Variants in EXTL2 observed in about 807,000 individuals in gnomAD.
EXTL2 encodes the protein exostosin-like 2.
A neutral mutation model predicts 30.7 loss-of-function variants in EXTL2; 23 were observed. The observed-to-expected ratio is 0.75, with a 90% CI of 0.54 to 1.06. EXTL2 has a LOEUF of 1.06. Ranked by LOEUF, EXTL2 falls within the 50% of genes least tolerant of loss-of-function variation. The pLI, the probability that EXTL2 is intolerant of heterozygous loss-of-function variation, is 0.00. For missense variants in EXTL2, 352 were observed against 396.3 expected, an observed-to-expected ratio of 0.89 and a Z score of 0.95; for synonymous variants, 123 against 133.8, an observed-to-expected ratio of 0.92 and a Z score of 0.56.
chr1:100,890,352 T>C (rs1650325129), intron 1 of EXTL2, among the ~76,000 whole-genome samples: 1 of 152,198 alleles, frequency 6.6e-6, no homozygotes, highest in African/African-American at 2.4e-5. Context: ...CTCCTACACC[T>C]CTGGGCCTGT....
In EXTL2 at chr1:100,876,843, T is replaced by C; in HGVS notation, c.455A>G (p.Asp152Gly). ...ETNAVLMVDD[D>G]TLISTPDLVF... is the part of the protein sequence containing the mutation. ...AAGGTCTGGGGTGCTGATGAGTGTG[T>C]CATCATCTACCATCAACACTGCTAA... Residue 152 changes from aspartate (D) to glycine (G), a missense_variant, in exon 4 of 5, where the codon GAC (aspartate) becomes GGC (glycine). Coordinates refer to ENST00000370114, the MANE Select transcript of EXTL2 (RefSeq NM_001033025.3). The C allele has an allele frequency of 1.9e-6, 3 of 1,611,942 alleles. No homozygotes were observed. Among genetic ancestry groups the C allele is most frequent in the Non-Finnish European group, 8.5e-7 (1 of 1,178,446 alleles).
At chr1:100,876,972 C>A in intron 3 of EXTL2, 108 bp from the exon 4 acceptor site, 3 of 691,208 alleles carry the variant, frequency 4.3e-6, no homozygotes, top group Non-Finnish European at 2.5e-6. Context: ...ATTTTCTGAC[C>A]CAACAATAAA....
chr1:100,886,148 CAATAG>C (rs1352754578), intron 2 of EXTL2, among the ~76,000 whole-genome samples: 1 of 152,166 alleles, frequency 6.6e-6, no homozygotes, highest in Non-Finnish European at 1.5e-5. Context: ...TTTCTATTGA[CAATAG>C]AATGGCTACG....
At chr1:100,881,274 G>T (rs551771825) in intron 2 of EXTL2, among the ~76,000 whole-genome samples, 1 of 152,304 alleles carries the variant, frequency 6.6e-6, no homozygotes, top group East Asian at 1.9e-4. Flanking sequence ...AGGCCCATTA[G>T]AAACAGCTTC....
chr1:100,882,128 T>C (rs1649609311), intron 2 of EXTL2, among the ~76,000 whole-genome samples: 1 of 152,176 alleles, frequency 6.6e-6, no homozygotes. Flanking sequence ...AAAATTGTCT[T>C]CCACAAAACA....
In EXTL2 at chr1:100,877,292, C is replaced by T. The variant is rs1176042125; in HGVS notation, c.433+184G>A. On this transcript the variant is annotated intron_variant, in intron 3 of 4. Coordinates refer to ENST00000370114, the MANE Select transcript of EXTL2 (RefSeq NM_001033025.3). The surrounding 1 kb of genome is among the most constrained non-coding windows in gnomAD (Gnocchi z 4.1). ...ATATCCTTTATTACAATATTAACCT[C>T]TTCGCCAGGAAACCACTTCTTGACA... is the stretch of plus-strand genomic sequence containing the variant. 6.6e-6 allele frequency among the ~76,000 whole-genome samples: 1 copy of T among 152,126 alleles called. No individual in the cohort carries two copies. The highest frequency in any genetic ancestry group is 1.9e-4 in the East Asian group (1 of 5,190).
rs532230875 is a variant in EXTL2, at chr1:100,875,908, C to A, written c.504+886G>T. 2.0e-5 allele frequency among the ~76,000 whole-genome samples: 3 copies of A among 152,078 alleles called. No individual in the cohort carries two copies. The East Asian group carries it at 5.8e-4, about 30-fold the overall frequency. The stretch of plus-strand genomic sequence containing the variant: ...CAAGAAGCTTTCATGTATTTCATTT[C>A]ATTCCAAGGACTGGAAAAAAAAATT... On this transcript the variant is annotated intron_variant, in intron 4 of 4. Coordinates refer to ENST00000370114, the MANE Select transcript of EXTL2 (RefSeq NM_001033025.3).
rs1478761883 is a variant in EXTL2, at chr1:100,877,277, T to C, written c.433+199A>G. Among the ~76,000 whole-genome samples the C allele has an allele frequency of 1.3e-5, 2 of 152,248 alleles. No homozygotes were observed. The highest frequency in any genetic ancestry group is 4.8e-5 in the African/African-American group (2 of 41,566). On this transcript the variant is annotated intron_variant, in intron 3 of 4. Transcript: ENST00000370114. The surrounding 1 kb of genome is among the most constrained non-coding windows in gnomAD (Gnocchi z 4.1). ...ATATGTAATTATAGCATATCCTTTA[T>C]TACAATATTAACCTCTTCGCCAGGA...
intron 2 of EXTL2, among the ~76,000 whole-genome samples, chr1:100,882,666 T>TA (rs1649652324): frequency 6.6e-6 from 1 of 151,782 alleles, no homozygotes; most frequent in African/African-American, 2.4e-5. Flanking sequence ...ACAAATAAAT[T>TA]AAAAAATCAG....
intron 2 of EXTL2, among the ~76,000 whole-genome samples, chr1:100,887,560 G>T (rs904979528): frequency 1.3e-5 from 2 of 152,130 alleles, no homozygotes; most frequent in African/African-American, 4.8e-5. Flanking sequence ...TAGAAAGAAA[G>T]GAAATAAAGT....
intron 2 of EXTL2, chr1:100,888,386 G>T (rs1557960929): frequency 5.7e-6 from 1 of 175,970 alleles, no homozygotes; most frequent in Non-Finnish European, 1.2e-5. Context: ...ACAAATTAGG[G>T]AATTCTGATA....
chr1:100,877,386 A>T lies in EXTL2; in HGVS notation c.433+90T>A. 1 of 1,200,854 alleles carries T rather than the reference A, an allele frequency of 8.3e-7. No individual in the cohort carries two copies. The highest frequency in any genetic ancestry group is 1.1e-6 in the Non-Finnish European group (1 of 871,064). The allele number at this position is 1,200,854 out of a possible 1,614,324, so 74.4% of individuals were successfully genotyped here. ...ACTAACTTCCTTCATTTTTCTCCAG[A>T]CGGTTAAGCAGAAGGCCAGAAATTC... On this transcript the variant is annotated intron_variant, in intron 3 of 4. Transcript: ENST00000370114. The surrounding 1 kb of genome is among the most constrained non-coding windows in gnomAD (Gnocchi z 4.1).
intron 4 of EXTL2, among the ~76,000 whole-genome samples, chr1:100,874,669 C>G (rs1400118351): frequency 6.6e-6 from 1 of 152,064 alleles, no homozygotes; most frequent in African/African-American, 2.4e-5. Context: ...TCTACCCTTA[C>G]AAATGTTCTC....
chr1:100,873,232 T>C lies in EXTL2; in HGVS notation c.*710A>G, dbSNP rs531785762. On this transcript the variant is annotated 3_prime_UTR_variant, in exon 5 of 5. Coordinates refer to ENST00000370114, the MANE Select transcript of EXTL2 (RefSeq NM_001033025.3). Reference sequence around the variant, plus strand: ...ACATTTACTCCTTGCTGCATATAAGTGGCGTGTAAGAAATACAGGGTATAT... The same window carrying C: ...ACATTTACTCCTTGCTGCATATAAGCGGCGTGTAAGAAATACAGGGTATAT... 1.3e-3 allele frequency: 202 copies of C among 152,184 alleles called. 1 individual carries two copies. The highest frequency in any genetic ancestry group is 4.5e-3 in the African/African-American group (189 of 41,548). 9.4% of individuals were successfully genotyped at this position (152,184 alleles called of 1,614,324 possible).
intron 1 of EXTL2, among the ~76,000 whole-genome samples, chr1:100,891,960 A>C (rs1216470809): frequency 2.0e-5 from 3 of 152,222 alleles, no homozygotes; most frequent in Non-Finnish European, 4.4e-5. Flanking sequence ...GTTAGGTCTG[A>C]TATCTTTCAC....
At chr1:100,884,180 T>G (rs1031069963) in intron 2 of EXTL2, among the ~76,000 whole-genome samples, 1 of 152,186 alleles carries the variant, frequency 6.6e-6, no homozygotes, top group African/African-American at 2.4e-5. Flanking sequence ...CAACGTGGTG[T>G]TGTACAATGA....
chr1:100,873,430 G>C lies in EXTL2; in HGVS notation c.*512C>G, dbSNP rs1270488916. ...TCGTCCTGGAAGAGCTGGTTGGCAGGGCCACAAGGAAAGCACTGGCAGCTG... is the reference window on the plus strand; with the variant it reads ...TCGTCCTGGAAGAGCTGGTTGGCAGCGCCACAAGGAAAGCACTGGCAGCTG... On this transcript the variant is annotated 3_prime_UTR_variant, in exon 5 of 5. Coordinates refer to ENST00000370114, the MANE Select transcript of EXTL2 (RefSeq NM_001033025.3). The C allele has an allele frequency of 6.6e-6, 1 of 152,540 alleles. No individual in the cohort carries two copies. The highest frequency in any genetic ancestry group is 2.4e-5 in the African/African-American group (1 of 41,392). The allele number at this position is 152,540 out of a possible 1,614,324, so 9.4% of individuals were successfully genotyped here. A position where few individuals can be genotyped will look rare whatever the true frequency, so the allele number is the denominator to read the frequency against.
chr1:100,891,029 A>G (rs1005753494), intron 1 of EXTL2, among the ~76,000 whole-genome samples: 3 of 152,244 alleles, frequency 2.0e-5, no homozygotes, highest in Admixed American at 2.0e-4. Flanking sequence ...ACCAGCTATG[A>G]CCACATAAGC....
intron 1 of EXTL2, among the ~76,000 whole-genome samples, chr1:100,892,274 G>A (rs757233537): frequency 5.3e-5 from 8 of 152,110 alleles, no homozygotes; most frequent in Non-Finnish European, 1.0e-4. Context: ...GCCTGGCTAC[G>A]AAAAGCAGGC....
Sources: allele counts gnomAD v4.1 joint callset (sites outside exome capture counted in the v4.1 genomes callset), GRCh38; gene constraint gnomAD v4.1.1; non-coding constraint Gnocchi (gnomAD v3.1); transcripts MANE v1.5; gene names NCBI Gene and HGNC (gene_info 2026-07-23, HGNC 2026-07-21).